The following ZBTB44 variants were observed in gnomAD, a reference collection of about 807,000 sequenced individuals.
ZBTB44 encodes the protein zinc finger and BTB domain-containing protein 44.
In ZBTB44, 15 loss-of-function variants were observed where a neutral mutation model predicts 54.0. That is an observed-to-expected ratio of 0.28 (90% CI 0.19 to 0.43). The LOEUF (loss-of-function observed/expected upper bound fraction) is 0.43, where lower values mean the gene tolerates loss of function less well. Among genes scored for constraint, ZBTB44 ranks in the 20% least tolerant of loss-of-function variants. The pLI is 1.00. For synonymous variants in ZBTB44, 230 were observed against 250.1 expected, an observed-to-expected ratio of 0.92 and a Z score of 0.76; for missense variants, 487 against 707.1, an observed-to-expected ratio of 0.69 and a Z score of 3.53.
chr11:130,247,431 T>C (rs1233445384), intron 2 of ZBTB44, among the ~76,000 whole-genome samples: 2 of 152,244 alleles, frequency 1.3e-5, no homozygotes, highest in African/African-American at 4.8e-5. Flanking sequence ...CCCTTCACTG[T>C]CAGGTTTGTT....
chr11:130,247,517 T>C (rs1483703141), intron 2 of ZBTB44, among the ~76,000 whole-genome samples: 2 of 152,216 alleles, frequency 1.3e-5, no homozygotes, highest in Non-Finnish European at 2.9e-5. Context: ...AACTGTTTTC[T>C]AGGCTAACAC....
At chr11:130,234,083 C>T in intron 6 of ZBTB44, 73 bp downstream of exon 6, 1 of 1,534,732 alleles carries the variant, frequency 6.5e-7, no homozygotes, top group East Asian at 2.5e-5. Flanking sequence ...TCTGGCACTT[C>T]TTCCTCTTTT....
chr11:130,272,338 T>C (rs190343476), intron 1 of ZBTB44, among the ~76,000 whole-genome samples: 13 of 152,358 alleles, frequency 8.5e-5, no homozygotes, highest in Admixed American at 8.5e-4. Context: ...GGTATCTCAC[T>C]GTAGTTTTAA....
At chr11:130,237,787 G>GA (rs1408972396) in intron 4 of ZBTB44, among the ~76,000 whole-genome samples, 1 of 152,192 alleles carries the variant, frequency 6.6e-6, no homozygotes, top group African/African-American at 2.4e-5. Context: ...TACAGAAGGG[G>GA]AAAGTGAGAT....
At chr11:130,272,711 TTA>T (rs1219356804) in intron 1 of ZBTB44, among the ~76,000 whole-genome samples, 1 of 152,068 alleles carries the variant, frequency 6.6e-6, no homozygotes, top group Non-Finnish European at 1.5e-5. Context: ...TCAAGGAGTT[TTA>T]AAGTTTCAGG....
intron 1 of ZBTB44, among the ~76,000 whole-genome samples, chr11:130,286,909 T>C (rs551420415): frequency 6.6e-6 from 1 of 152,200 alleles, no homozygotes; most frequent in African/African-American, 2.4e-5. Flanking sequence ...AAGAATATGG[T>C]GCAGCAGTGA....
rs550474823 is a variant in ZBTB44 at position 130,302,411 on chromosome 11, G to A, written c.-57+11964C>T. Among the ~76,000 whole-genome samples, 9 of 152,250 alleles carry A rather than the reference G, an allele frequency of 5.9e-5. No individual in the cohort carries two copies. In the Middle Eastern group the frequency reaches 0.01, roughly 173 times the overall value. Reference sequence around the variant, plus strand: ...TACCAAGTGGACACAAAGACAAAGAGAAGCACTGATTCCTGTAAATAAAAA... The same window carrying A: ...TACCAAGTGGACACAAAGACAAAGAAAAGCACTGATTCCTGTAAATAAAAA... On this transcript the variant is annotated intron_variant, in intron 1 of 7. Transcript: ENST00000357899.
chr11:130,269,458 T>C (rs1484551323), intron 1 of ZBTB44, among the ~76,000 whole-genome samples: 4 of 152,366 alleles, frequency 2.6e-5, no homozygotes, highest in South Asian at 2.1e-4. Flanking sequence ...AATGTACTTG[T>C]AGCAGTTTGC....
rs1341389239 is a variant in ZBTB44, at chr11:130,296,933, C to G, written c.-57+17442G>C. On this transcript the variant is annotated intron_variant, in intron 1 of 7. Transcript: ENST00000357899. The stretch of plus-strand genomic sequence containing the variant: ...ATCTGAATGTCAATGGCAATGAAGG[C>G]AAGCAGAAAAAGCGAGGAGGTGGTG... The G allele has an allele frequency of 5.4e-6, 4 of 736,860 alleles. No homozygotes were observed. In the Admixed American group the frequency reaches 7.9e-5, roughly 15 times the overall value. 45.6% of individuals were successfully genotyped at this position (736,860 alleles called of 1,614,324 possible). A position where few individuals can be genotyped will look rare whatever the true frequency, so the allele number is the denominator to read the frequency against.
chr11:130,240,794 T>C (rs1954329715), intron 2 of ZBTB44, among the ~76,000 whole-genome samples: 1 of 152,222 alleles, frequency 6.6e-6, no homozygotes, highest in Non-Finnish European at 1.5e-5. Flanking sequence ...AAGGTAGGTA[T>C]TCGTTCTTGC....
intron 2 of ZBTB44, among the ~76,000 whole-genome samples, chr11:130,248,963 G>A (rs1293910078): frequency 1.3e-5 from 2 of 151,984 alleles, no homozygotes; most frequent in East Asian, 1.9e-4. Context: ...TATTAGCTGG[G>A]TGTGGTGGTG....
chr11:130,279,518 G>A (rs989323548), intron 1 of ZBTB44, among the ~76,000 whole-genome samples: 1 of 152,094 alleles, frequency 6.6e-6, no homozygotes, highest in Admixed American at 6.6e-5. Context: ...AATTAGCTGG[G>A]CTTGGTGGCA....
chr11:130,236,476 G>C (rs2136274986), intron 5 of ZBTB44, among the ~76,000 whole-genome samples: 1 of 152,324 alleles, frequency 6.6e-6, no homozygotes, highest in South Asian at 2.1e-4. Flanking sequence ...AAAATTTCCA[G>C]TAAGATCTAT....
intron 1 of ZBTB44, among the ~76,000 whole-genome samples, chr11:130,297,769 T>C (rs940903276): frequency 6.6e-6 from 1 of 152,216 alleles, no homozygotes; most frequent in African/African-American, 2.4e-5. Context: ...TCCACAACTA[T>C]GAGACAAAAA....
chr11:130,268,682 A>G (rs919974055), intron 1 of ZBTB44, among the ~76,000 whole-genome samples: 5 of 151,952 alleles, frequency 3.3e-5, no homozygotes, highest in Admixed American at 2.6e-4. Context: ...GGGTTCAAGC[A>G]ATTCTCCTGC....
At chr11:130,302,464 TTA>T (rs1367549307) in intron 1 of ZBTB44, among the ~76,000 whole-genome samples, 2 of 152,336 alleles carry the variant, frequency 1.3e-5, no homozygotes, top group African/African-American at 4.8e-5. Flanking sequence ...TGGGTTAGTT[TTA>T]TACAGCATGT....
chr11:130,256,163 T>C (rs1349101099), intron 2 of ZBTB44, among the ~76,000 whole-genome samples: 2 of 152,094 alleles, frequency 1.3e-5, no homozygotes, highest in African/African-American at 2.4e-5. Context: ...CAGGCCAATA[T>C]ACCTGATGAA....
Position 130,230,199 on chromosome 11 carries a change from A to C in ZBTB44, c.*1565T>G, listed in dbSNP as rs1409594487. The C allele has an allele frequency of 6.6e-6, 1 of 152,056 alleles. No homozygotes were observed. Among genetic ancestry groups the C allele is most frequent in the Admixed American group, 6.6e-5 (1 of 15,266 alleles). The allele number at this position is 152,056 out of a possible 1,614,324, so 9.4% of individuals were successfully genotyped here. ...AGAATAAAAGCTGATAAAATAGATAACTGGCCTCTATTTAGATTAAGAGAA... is the reference window on the plus strand; with the variant it reads ...AGAATAAAAGCTGATAAAATAGATACCTGGCCTCTATTTAGATTAAGAGAA... On this transcript the variant is annotated 3_prime_UTR_variant, in exon 8 of 8. Coordinates refer to ENST00000357899, the MANE Select transcript of ZBTB44 (RefSeq NM_001301098.2).
intron 2 of ZBTB44, among the ~76,000 whole-genome samples, chr11:130,252,463 C>A (rs1442319727): frequency 1.3e-5 from 2 of 152,206 alleles, no homozygotes; most frequent in Non-Finnish European, 2.9e-5. Flanking sequence ...CACAAATCAA[C>A]AGAATATACA....
Sources: gnomAD v4.1 joint callset for allele counts (sites outside exome capture counted in the v4.1 genomes callset) on GRCh38, gnomAD v4.1.1 for gene constraint, MANE v1.5 for transcripts, NCBI Gene and HGNC (gene_info 2026-07-23, HGNC 2026-07-21) for gene names.